The following SAP130 variants were observed in gnomAD, a reference collection of about 807,000 sequenced individuals.
The protein encoded by SAP130 is histone deacetylase complex subunit SAP130.
Under a neutral mutation model 103.2 loss-of-function variants are expected in SAP130, and 16 were observed. The observed-to-expected ratio is 0.16, with a 90% confidence interval of 0.10 to 0.24. The LOEUF (loss-of-function observed/expected upper bound fraction) is 0.24. SAP130 is among the 10% of genes least tolerant of loss of function. The probability of loss-of-function intolerance (pLI) is 1.00; values close to 1 mark genes in which losing one functional copy is unlikely to be tolerated. For synonymous variants in SAP130, 477 were observed against 497.0 expected, an observed-to-expected ratio of 0.96 and a Z score of 0.53; for missense variants, 990 against 1,359.7, an observed-to-expected ratio of 0.73 and a Z score of 4.28.
chr2:127,977,832 C>A (rs781556051), intron 15 of SAP130, among the ~76,000 whole-genome samples, 153 bp downstream of exon 15: 1 of 151,600 alleles, frequency 6.6e-6, no homozygotes, highest in Non-Finnish European at 1.5e-5. Flanking sequence ...TCGTGTGTTA[C>A]AATTTTCTAT....
chr2:127,960,710 T>C (rs1021887489), intron 15 of SAP130, among the ~76,000 whole-genome samples: 2 of 152,160 alleles, frequency 1.3e-5, no homozygotes, highest in Non-Finnish European at 2.9e-5. Flanking sequence ...TTCTAACCCA[T>C]CTACTATTAT....
At position 127,974,319 on chromosome 2, in the gene SAP130, T is replaced by C. The variant is rs971512651; in HGVS notation, c.2063+3666A>G. On this transcript the variant is annotated intron_variant, in intron 15 of 20. Coordinates refer to ENST00000643581, the MANE Select transcript of SAP130 (RefSeq NM_001330301.2). ...AGGCCCTAAATAATCTAGCTCTCAA[T>C]GTCATCTCTAAGCCATCTTGTACAA... 4.8e-4 allele frequency among the ~76,000 whole-genome samples: 73 copies of C among 152,184 alleles called. 1 individual carries two copies. The highest frequency in any genetic ancestry group is 4.8e-3 in the Admixed American group (73 of 15,274).
At chr2:128,012,506 C>G (rs1684468428) in intron 6 of SAP130, among the ~76,000 whole-genome samples, 1 of 152,048 alleles carries the variant, frequency 6.6e-6, no homozygotes, top group African/African-American at 2.4e-5. Flanking sequence ...CGCAGTGGCT[C>G]TCTACTGTAT....
rs1483884364 is a variant in SAP130 at position 127,955,069 on chromosome 2, A to C, written c.2339T>G (p.Leu780Arg). Residue 780 changes from leucine (L) to arginine (R), a missense_variant, in exon 16 of 21, where the codon CTT becomes CGT. Leu to Arg is a moderately radical substitution (Grantham distance 102). This residue lies in a region of SAP130 where 349 missense variants were observed against 384.1 expected (regional missense o/e 0.91). Transcript: ENST00000643581. This position sits in a 1 kb window ranked among gnomAD's most constrained non-coding sequence, Gnocchi z 4.9. ...AACGGGAGGGCCCAAGACGGAGGAA[A>C]GACTGCCACCCACAGTGACTGATGG... Reference protein sequence around the residue: ...PPPSVTVGGSLSSVLGPPVPE... With the variant: ...PPPSVTVGGSRSSVLGPPVPE... 4 of 1,614,198 alleles carry C rather than the reference A, an allele frequency of 2.5e-6. No homozygotes were observed. The highest frequency in any genetic ancestry group is 3.4e-6 in the Non-Finnish European group (4 of 1,180,020).
chr2:128,020,092 A>G (rs952273555), intron 2 of SAP130, among the ~76,000 whole-genome samples: 1 of 152,216 alleles, frequency 6.6e-6, no homozygotes, highest in South Asian at 2.1e-4. Context: ...CCACAAAGGC[A>G]CCAACACTTA....
chr2:128,013,505 AGAC>A (rs1417953081), intron 5 of SAP130, among the ~76,000 whole-genome samples: 3 of 152,174 alleles, frequency 2.0e-5, no homozygotes, highest in African/African-American at 7.2e-5. Flanking sequence ...CCATTAGAGC[AGAC>A]GTCGACATTG....
chr2:128,020,645 T>C (rs1380214072), intron 2 of SAP130, among the ~76,000 whole-genome samples: 1 of 152,214 alleles, frequency 6.6e-6, no homozygotes, highest in Non-Finnish European at 1.5e-5. Flanking sequence ...ATGTACCACT[T>C]CTACTCAATA....
At chr2:127,995,065 A>G (rs1232859244) in intron 11 of SAP130, among the ~76,000 whole-genome samples, 1 of 152,184 alleles carries the variant, frequency 6.6e-6, no homozygotes, top group African/African-American at 2.4e-5. Context: ...AGGGTTCTTT[A>G]TGGGAGAGGC....
intron 13 of SAP130, among the ~76,000 whole-genome samples, chr2:127,987,236 A>G (rs2461458): frequency 0.94 from 142,933 of 152,250 alleles, 67,497 homozygotes; most frequent in East Asian, 1. Context: ...CCAGGCTGGA[A>G]TACAGTGGTG....
At chr2:127,947,773 T>TGA (rs1264110055) in intron 18 of SAP130, among the ~76,000 whole-genome samples, 63 of 151,132 alleles carry the variant, frequency 4.2e-4, no homozygotes, top group Middle Eastern at 6.8e-3. Flanking sequence ...TCTGTGTGTG[T>TGA]GTGTGTGTGT....
intron 2 of SAP130, among the ~76,000 whole-genome samples, chr2:128,025,545 C>G (rs1240851686): frequency 2.0e-5 from 3 of 152,204 alleles, no homozygotes; most frequent in Non-Finnish European, 4.4e-5. Flanking sequence ...CTGCTTGCAT[C>G]TGTACTAAGC....
chr2:127,955,375 A>T lies in SAP130; in HGVS notation c.2064-31T>A. The T allele has an allele frequency of 6.7e-7, 1 of 1,483,428 alleles. No homozygotes were observed. The highest frequency in any genetic ancestry group is 9.1e-7 in the Non-Finnish European group (1 of 1,100,562). The allele number at this position is 1,483,428 out of a possible 1,614,324, so 91.9% of individuals were successfully genotyped here. A position where few individuals can be genotyped will look rare whatever the true frequency, so the allele number is the denominator to read the frequency against. On this transcript the variant is annotated intron_variant, in intron 15 of 20. Coordinates refer to ENST00000643581, the MANE Select transcript of SAP130 (RefSeq NM_001330301.2). The surrounding 1 kb of genome is among the most constrained non-coding windows in gnomAD (Gnocchi z 4.9). ...ACACAAAAGAAAAGCACATGTAGCA[A>T]ATAAGAAAAAAACTGCCTTCATCTA...
rs201404417 is a variant in SAP130, at chr2:127,986,456, TA to T, written c.1958+328del. Among the ~76,000 whole-genome samples the T allele has an allele frequency of 6.0e-3, 913 of 152,300 alleles. 19 individuals carry two copies. The highest frequency in any genetic ancestry group is 0.019 in the African/African-American group (790 of 41,564). On this transcript the variant is annotated intron_variant, in intron 14 of 20. Transcript: ENST00000643581. This position sits in a 1 kb window ranked among gnomAD's most constrained non-coding sequence, Gnocchi z 4.7. ...ATGAAGTTTATAGTATGAGTTAAGG[TA>T]ACTACCTACACAAGCCCAAGAGTTA...
chr2:127,985,891 G>A (rs777615079), intron 14 of SAP130, among the ~76,000 whole-genome samples: 3 of 151,896 alleles, frequency 2.0e-5, no homozygotes, highest in African/African-American at 7.3e-5. Context: ...ACGGCGAGAG[G>A]ACAGCAAGGG....
At chr2:128,024,318 GA>G (rs397692844) in intron 2 of SAP130, among the ~76,000 whole-genome samples, 165 of 143,238 alleles carry the variant, frequency 1.2e-3, no homozygotes, top group East Asian at 2.6e-3. Context: ...ATCTCCATTG[GA>G]AAAAAAAAAA....
Position 127,942,558 on chromosome 2 carries a change from G to GGT in SAP130, c.2902-23_2902-22dup, listed in dbSNP as rs1678782712. 7.1e-7 allele frequency: 1 copy of GGT among 1,403,334 alleles called. No homozygotes were observed. 86.9% of individuals were successfully genotyped at this position (1,403,334 alleles called of 1,614,324 possible). ...TTCGTCTGCAACACACAAAAGGGAGGGTATCATAAGCTCGGAAATATTTTT... is the reference window on the plus strand; with the variant it reads ...TTCGTCTGCAACACACAAAAGGGAGGGTGTATCATAAGCTCGGAAATATTTTT... On this transcript the variant is annotated intron_variant, in intron 19 of 20. Coordinates refer to ENST00000643581, the MANE Select transcript of SAP130 (RefSeq NM_001330301.2). The surrounding 1 kb of genome is among the most constrained non-coding windows in gnomAD (Gnocchi z 4.8).
intron 12 of SAP130, among the ~76,000 whole-genome samples, chr2:127,991,524 A>G (rs1283189561): frequency 6.6e-6 from 1 of 152,026 alleles, no homozygotes; most frequent in East Asian, 1.9e-4. Context: ...TATTTTTGGT[A>G]GAGACTAGGT....
chr2:127,960,300 C>T (rs770869581), intron 15 of SAP130, among the ~76,000 whole-genome samples: 1 of 152,010 alleles, frequency 6.6e-6, no homozygotes, highest in Non-Finnish European at 1.5e-5. Flanking sequence ...CAGAGCCTGG[C>T]GGAGAAAGGA....
intron 14 of SAP130, among the ~76,000 whole-genome samples, chr2:127,984,510 T>G (rs1300199531): frequency 6.6e-6 from 1 of 152,194 alleles, no homozygotes; most frequent in African/African-American, 2.4e-5. Flanking sequence ...TGGAAGGGCA[T>G]GTCTACTATG....
Sources: gnomAD v4.1 joint callset for allele counts (sites outside exome capture counted in the v4.1 genomes callset) on GRCh38, gnomAD v4.1.1 for gene constraint, gnomAD v4.1.1 regional missense constraint, Gnocchi (gnomAD v3.1) non-coding constraint, MANE v1.5 for transcripts, NCBI Gene and HGNC (gene_info 2026-07-23, HGNC 2026-07-21) for gene names.